GGTA1: variants seen among roughly 807,000 people sequenced by gnomAD.
GGTA1 encodes the protein glycoprotein alpha-galactosyltransferase 1 (inactive), also known as inactive N-acetyllactosaminide alpha-1,3-galactosyltransferase.
A neutral mutation model predicts 2.6 loss-of-function variants in GGTA1; 5 were observed. The ratio of observed to expected loss-of-function variants is 1.92; its 90% CI spans 1.00 to 4.04. The LOEUF (loss-of-function observed/expected upper bound fraction) is 4.04. GGTA1 is among the 30% of genes most tolerant of loss of function. The pLI, the probability that GGTA1 is intolerant of heterozygous loss-of-function variation, is 0.00. For synonymous variants in GGTA1, 17 were observed against 5.0 expected, an observed-to-expected ratio of 3.38 and a Z score of -3.19; for missense variants, 50 against 16.7, an observed-to-expected ratio of 2.99 and a Z score of -3.47.
intron 2 of GGTA1, among the ~76,000 whole-genome samples, chr9:121,467,036 A>T (rs1229911507): frequency 6.6e-6 from 1 of 151,950 alleles, no homozygotes; most frequent in Non-Finnish European, 1.5e-5. Flanking sequence ...CCACTGAAAC[A>T]CTCCGCTATG....
Position 121,468,761 on chromosome 9 carries a change from T to C in GGTA1, c.-9-830A>G, listed in dbSNP as rs115012966. On this transcript the variant is annotated intron_variant, in intron 1 of 5. Coordinates refer to ENST00000481799, the MANE Select transcript of GGTA1 (RefSeq NM_001382585.1). ...TGGTTAATAGAGGAGGCTGCCTCCA[T>C]TGGCAAGGGTGCTAAGGCCACACTG... 5.2e-3 allele frequency among the ~76,000 whole-genome samples: 797 copies of C among 152,318 alleles called. 7 individuals carry two copies. Among genetic ancestry groups the C allele is most frequent in the South Asian group, 0.038 (182 of 4,816 alleles).
At chr9:121,492,600 C>T (rs1201116143) in intron 1 of GGTA1, among the ~76,000 whole-genome samples, 1 of 152,042 alleles carries the variant, frequency 6.6e-6, no homozygotes, top group Admixed American at 6.5e-5. Context: ...CAGCCTCCCT[C>T]ATAGCTGGGA....
chr9:121,493,966 AG>A (rs1828933620), intron 1 of GGTA1, among the ~76,000 whole-genome samples: 2 of 151,964 alleles, frequency 1.3e-5, no homozygotes, highest in Non-Finnish European at 2.9e-5. Flanking sequence ...CATGTTGACT[AG>A]GCTGGTCTCG....
rs1271433202 is a variant in GGTA1, at chr9:121,479,371, G to A, written c.-9-11440C>T. 42 of 340,194 alleles carry A rather than the reference G, an allele frequency of 1.2e-4. 1 individual carries two copies. Among genetic ancestry groups the A allele is most frequent in the Non-Finnish European group, 1.4e-4 (24 of 173,760 alleles). The allele number at this position is 340,194 out of a possible 1,614,324, so 21.1% of individuals were successfully genotyped here. A position where few individuals can be genotyped will look rare whatever the true frequency, so the allele number is the denominator to read the frequency against. On this transcript the variant is annotated intron_variant, in intron 1 of 5. Transcript: ENST00000481799. ...ATAAACAGCTGTTTCAGGAGATGGG[G>A]AGTAGACAGAGCCCTCAGCAGCCAG...
At chr9:121,480,125 G>A (rs1589335286) in intron 1 of GGTA1, among the ~76,000 whole-genome samples, 1 of 149,600 alleles carries the variant, frequency 6.7e-6, no homozygotes, top group South Asian at 2.1e-4. Flanking sequence ...GCGTGATCTC[G>A]GCTCACTGCA....
chr9:121,478,140 C>T (rs1828554909), intron 1 of GGTA1, among the ~76,000 whole-genome samples: 1 of 149,320 alleles, frequency 6.7e-6, no homozygotes, highest in Admixed American at 6.7e-5. Context: ...GGTTCAAATC[C>T]AGGGAGCCAG....
At chr9:121,458,325 T>C (rs369621625) in intron 5 of GGTA1, among the ~76,000 whole-genome samples, 10 of 152,098 alleles carry the variant, frequency 6.6e-5, no homozygotes, top group African/African-American at 2.4e-4. Context: ...CAAACCAACA[T>C]TCTTTAAATA....
intron 1 of GGTA1, among the ~76,000 whole-genome samples, chr9:121,488,712 C>A (rs1344801325): frequency 6.6e-6 from 1 of 150,992 alleles, no homozygotes; most frequent in African/African-American, 2.4e-5. Context: ...AGTGAAACTC[C>A]GTCTCAAAAA....
intron 1 of GGTA1, among the ~76,000 whole-genome samples, chr9:121,474,588 A>G (rs922465779): frequency 2.0e-5 from 3 of 152,092 alleles, no homozygotes; most frequent in Admixed American, 2.0e-4. Context: ...ACACAGAACA[A>G]CACACACACC....
chr9:121,493,751 T>C (rs1487444047), intron 1 of GGTA1, among the ~76,000 whole-genome samples: 6 of 122,576 alleles, frequency 4.9e-5, no homozygotes, highest in East Asian at 2.7e-4. Context: ...TCACTCTCTT[T>C]TTTTTTTTTT....
At chr9:121,495,741 C>G (rs1416182084) in intron 1 of GGTA1, among the ~76,000 whole-genome samples, 1 of 152,188 alleles carries the variant, frequency 6.6e-6, no homozygotes, top group Non-Finnish European at 1.5e-5. Context: ...GAACTAAACT[C>G]ATTATCTCTC....
At chr9:121,459,730 CCTCA>C (rs2064944207) in intron 5 of GGTA1, among the ~76,000 whole-genome samples, 1 of 152,158 alleles carries the variant, frequency 6.6e-6, no homozygotes, top group Non-Finnish European at 1.5e-5. Flanking sequence ...GCTCCCATCT[CCTCA>C]CTCCCAGAAC....
intron 1 of GGTA1, among the ~76,000 whole-genome samples, chr9:121,470,380 A>G (rs1361786234): frequency 1.3e-5 from 2 of 152,082 alleles, no homozygotes; most frequent in African/African-American, 2.4e-5. Flanking sequence ...ATGGAAGAGG[A>G]ATTGGTTTGA....
intron 1 of GGTA1, among the ~76,000 whole-genome samples, chr9:121,470,710 G>A (rs1828369679): frequency 6.6e-6 from 1 of 152,184 alleles, no homozygotes. Context: ...GCCTTGGGAA[G>A]GAATTTAGTT....
rs2064947424 is a variant in GGTA1, at chr9:121,460,123, A to C, written c.279T>G (p.Tyr93Ter). Residue 93 changes from tyrosine to a stop codon, truncating the protein, a stop_gained, in exon 5 of 6, where the codon TAT (tyrosine) becomes TAG (stop). Transcript: ENST00000481799. LOFTEE classifies it high-confidence loss of function. ...GRKMTQQSFGYGTGLIQT is the reference protein window; with the variant it reads ...GRKMTQQSFG Reference sequence around the variant, plus strand: ...TCTTACTTTGGATTAAACCAGTCCCATAGCCGAAGCTCTGTTGTGTCATTT... The same window carrying C: ...TCTTACTTTGGATTAAACCAGTCCCCTAGCCGAAGCTCTGTTGTGTCATTT... 1 of 456,682 alleles carries C rather than the reference A, an allele frequency of 2.2e-6. No homozygotes were observed. Among genetic ancestry groups the C allele is most frequent in the Admixed American group, 2.3e-5 (1 of 42,560 alleles). 28.3% of individuals were successfully genotyped at this position (456,682 alleles called of 1,614,324 possible).
At chr9:121,456,187 G>T (rs2064909773) in intron 5 of GGTA1, among the ~76,000 whole-genome samples, 1 of 152,158 alleles carries the variant, frequency 6.6e-6, no homozygotes, top group Admixed American at 6.5e-5. Context: ...CAAAGATGGG[G>T]CACTAAAAAG....
intron 1 of GGTA1, among the ~76,000 whole-genome samples, chr9:121,492,022 A>G (rs1828880121): frequency 6.6e-6 from 1 of 152,158 alleles, no homozygotes; most frequent in Admixed American, 6.5e-5. Flanking sequence ...TGCTCAGTAA[A>G]TTCTGGGTGA....
chr9:121,471,054 G>A (rs1471474318), intron 1 of GGTA1, among the ~76,000 whole-genome samples: 3 of 152,222 alleles, frequency 2.0e-5, no homozygotes, highest in East Asian at 1.9e-4. Context: ...GAAAGAAGCC[G>A]GCCCTGGGCT....
chr9:121,470,687 G>A lies in GGTA1; in HGVS notation c.-9-2756C>T, dbSNP rs7018680. Reference sequence around the variant, plus strand: ...TCTAACCTGTCATCCATTCCTGGGCGTAGGCTTAATTAGCCTTGGGAAGGA... The same window carrying A: ...TCTAACCTGTCATCCATTCCTGGGCATAGGCTTAATTAGCCTTGGGAAGGA... On this transcript the variant is annotated intron_variant, in intron 1 of 5. Coordinates refer to ENST00000481799, the MANE Select transcript of GGTA1 (RefSeq NM_001382585.1). 7.4e-3 allele frequency among the ~76,000 whole-genome samples: 1,125 copies of A among 152,324 alleles called. 16 individuals are homozygous for A. Among genetic ancestry groups the A allele is most frequent in the African/African-American group, 0.026 (1,062 of 41,578 alleles).
Sources: gnomAD v4.1 joint callset for allele counts (sites outside exome capture counted in the v4.1 genomes callset) on GRCh38, gnomAD v4.1.1 for gene constraint, MANE v1.5 for transcripts, NCBI Gene and HGNC (gene_info 2026-07-23, HGNC 2026-07-21) for gene names.